Variants in RASAL2 observed in about 807,000 individuals in gnomAD.
RASAL2 encodes ras GTPase-activating protein nGAP.
A neutral mutation model predicts 128.9 loss-of-function variants in RASAL2; 58 were observed. That is an observed-to-expected ratio of 0.45 (90% CI 0.36 to 0.56). The LOEUF (loss-of-function observed/expected upper bound fraction) is 0.56. Ranked by LOEUF, RASAL2 falls within the 20% of genes least tolerant of loss-of-function variation. The pLI is 0.00. For missense variants in RASAL2, 1,360 were observed against 1,601.6 expected (o/e 0.85, Z 2.57); for synonymous variants, 561 against 580.8 (o/e 0.97, Z 0.49).
rs1031079213 is a variant in RASAL2, at chr1:178,353,686, A to G, written c.458-36414A>G. On this transcript the variant is annotated intron_variant, in intron 3 of 17. Transcript: ENST00000367649. ...ACTCTTCAGTACTAATTTTTTGGCT[A>G]TGATGTAATCCAGTATAACACAACT... 5.7e-4 allele frequency among the ~76,000 whole-genome samples: 87 copies of G among 152,364 alleles called. 1 individual carries two copies. The highest frequency in any genetic ancestry group is 1.9e-3 in the African/African-American group (78 of 41,592).
chr1:178,181,886 A>G (rs1210175217), intron 1 of RASAL2, among the ~76,000 whole-genome samples: 2 of 152,164 alleles, frequency 1.3e-5, no homozygotes, highest in African/African-American at 4.8e-5. Flanking sequence ...ACACACTATC[A>G]ACATGACTTA....
chr1:178,442,775 A>G lies in RASAL2; in HGVS notation c.1028A>G (p.Asp343Gly). Residue 343 changes from aspartate (D) to glycine (G), a missense_variant, in exon 8 of 18, where the codon GAT becomes GGT. By Grantham distance (94) the Asp-to-Gly change is moderately conservative (BLOSUM62 -1). Transcript: ENST00000367649. ...KKYFCELCLD[D>G]TLFARTTSKT... is the part of the protein sequence containing the mutation. Reference sequence around the variant, plus strand: ...TATTTCTGCGAACTGTGCCTTGATGATACCCTCTTTGCTCGTACAACCAGC... The same window carrying G: ...TATTTCTGCGAACTGTGCCTTGATGGTACCCTCTTTGCTCGTACAACCAGC... 1 of 1,613,986 alleles carries G rather than the reference A, an allele frequency of 6.2e-7. No homozygotes were observed. The highest frequency in any genetic ancestry group is 8.5e-7 in the Non-Finnish European group (1 of 1,179,954).
At chr1:178,286,407 A>G (rs1354573071) in intron 2 of RASAL2, among the ~76,000 whole-genome samples, 1 of 150,662 alleles carries the variant, frequency 6.6e-6, no homozygotes, top group African/African-American at 2.5e-5. Flanking sequence ...GTCTCACATT[A>G]TAGTTATCTT....
At chr1:178,383,847 A>G (rs1414192383) in intron 3 of RASAL2, among the ~76,000 whole-genome samples, 1 of 152,226 alleles carries the variant, frequency 6.6e-6, no homozygotes, top group Non-Finnish European at 1.5e-5. Flanking sequence ...TGTTGTCATT[A>G]TTTACAAAAT....
At chr1:178,366,752 G>A (rs538656753) in intron 3 of RASAL2, among the ~76,000 whole-genome samples, 25 of 151,868 alleles carry the variant, frequency 1.6e-4, no homozygotes, top group African/African-American at 4.8e-4. Flanking sequence ...GAATATTTTC[G>A]GCCATAAAAA....
chr1:178,363,383 T>C (rs1457752781), intron 3 of RASAL2, among the ~76,000 whole-genome samples: 3 of 152,220 alleles, frequency 2.0e-5, no homozygotes, highest in Non-Finnish European at 2.9e-5. Flanking sequence ...TGCATCGTTA[T>C]ATATTTTTGA....
chr1:178,128,707 C>T (rs74401471), intron 1 of RASAL2, among the ~76,000 whole-genome samples: 10,417 of 152,146 alleles, frequency 0.068, 415 homozygotes, highest in Middle Eastern at 0.099. Context: ...CACTCCCAGC[C>T]CTAGGCAACC....
chr1:178,115,487 C>T (rs1336264725), intron 1 of RASAL2, among the ~76,000 whole-genome samples: 1 of 152,112 alleles, frequency 6.6e-6, no homozygotes, highest in Non-Finnish European at 1.5e-5. Context: ...TAGGAGTTAA[C>T]TAGGTAGTGG....
chr1:178,414,528 G>T (rs1456744257), intron 4 of RASAL2, among the ~76,000 whole-genome samples: 2 of 152,122 alleles, frequency 1.3e-5, no homozygotes, highest in Non-Finnish European at 2.9e-5. Context: ...AGGGCATGTT[G>T]GTGGGAGTGG....
intron 3 of RASAL2, among the ~76,000 whole-genome samples, chr1:178,352,366 G>T (rs1485811528): frequency 6.6e-6 from 1 of 152,190 alleles, no homozygotes; most frequent in Non-Finnish European, 1.5e-5. Flanking sequence ...AACAGGAGAA[G>T]AATTAAATCT....
chr1:178,375,178 G>A (rs1266387536), intron 3 of RASAL2, among the ~76,000 whole-genome samples: 3 of 152,048 alleles, frequency 2.0e-5, no homozygotes, highest in African/African-American at 7.2e-5. Flanking sequence ...TTATGGAAAT[G>A]GTAGGGTTTT....
At chr1:178,208,178 A>G (rs1663122031) in intron 1 of RASAL2, among the ~76,000 whole-genome samples, 1 of 152,192 alleles carries the variant, frequency 6.6e-6, no homozygotes, top group Admixed American at 6.5e-5. Context: ...ACAGAATAAC[A>G]GCGATTTTTA....
At chr1:178,195,506 A>G (rs1475290720) in intron 1 of RASAL2, among the ~76,000 whole-genome samples, 4 of 152,170 alleles carry the variant, frequency 2.6e-5, no homozygotes, top group Admixed American at 1.3e-4. Context: ...ACACAATAGA[A>G]TGAAGTATAT....
chr1:178,258,097 G>T (rs964037864), intron 1 of RASAL2, among the ~76,000 whole-genome samples: 1 of 151,576 alleles, frequency 6.6e-6, no homozygotes, highest in Non-Finnish European at 1.5e-5. Flanking sequence ...GATGGGAGAC[G>T]ATCCTGGCTA....
chr1:178,428,043 C>CTT (rs74263839), intron 5 of RASAL2, among the ~76,000 whole-genome samples: 5 of 141,420 alleles, frequency 3.5e-5, no homozygotes, highest in South Asian at 2.2e-4. Flanking sequence ...TTGAGATTGG[C>CTT]TTTTTTTTTT....
intron 1 of RASAL2, among the ~76,000 whole-genome samples, chr1:178,175,000 C>A (rs370910102): frequency 1.1e-4 from 17 of 152,220 alleles, no homozygotes; most frequent in Admixed American, 3.3e-4. Context: ...GAGATAGAAT[C>A]ATATAGTACA....
At chr1:178,444,815 C>A (rs1247566022) in intron 8 of RASAL2, among the ~76,000 whole-genome samples, 1 of 152,046 alleles carries the variant, frequency 6.6e-6, no homozygotes, top group Non-Finnish European at 1.5e-5. Context: ...TATTGAACAC[C>A]TAATATATGC....
At chr1:178,406,463 T>G (rs1454542184) in intron 4 of RASAL2, among the ~76,000 whole-genome samples, 1 of 152,188 alleles carries the variant, frequency 6.6e-6, no homozygotes, top group African/African-American at 2.4e-5. Context: ...AAGACATTTT[T>G]GGGGTGATAG....
intron 3 of RASAL2, among the ~76,000 whole-genome samples, chr1:178,322,827 T>C (rs910900409): frequency 2.0e-5 from 3 of 152,240 alleles, no homozygotes; most frequent in Non-Finnish European, 4.4e-5. Context: ...AAACGTCCTA[T>C]ATATTCTGAC....
Sources: gnomAD v4.1 joint callset for allele counts (sites outside exome capture counted in the v4.1 genomes callset) on GRCh38, gnomAD v4.1.1 for gene constraint, MANE v1.5 for transcripts, NCBI Gene and HGNC (gene_info 2026-07-23, HGNC 2026-07-21) for gene names.